ADGRB3: variants seen among roughly 807,000 people sequenced by gnomAD.
The protein encoded by ADGRB3 is brain-specific angiogenesis inhibitor 3.
Under a neutral mutation model 193.4 loss-of-function variants are expected in ADGRB3, and 37 were observed. The ratio of observed to expected loss-of-function variants is 0.19; its 90% CI spans 0.15 to 0.25. ADGRB3 has a LOEUF of 0.25. Ranked by LOEUF, ADGRB3 falls within the 10% of genes least tolerant of loss-of-function variation. ADGRB3 has a pLI of 1.00. For synonymous variants in ADGRB3, 690 were observed against 644.2 expected (o/e 1.07, Z -1.08); for missense variants, 1,637 against 1,852.9 (o/e 0.88, Z 2.14).
At chr6:68,969,642 C>T (rs1768499518) in intron 8 of ADGRB3, among the ~76,000 whole-genome samples, 1 of 152,186 alleles carries the variant, frequency 6.6e-6, no homozygotes, top group African/African-American at 2.4e-5. Context: ...AACAGTACCA[C>T]TTACTACCCA....
chr6:69,087,567 C>T lies in ADGRB3; in HGVS notation c.2480+11529C>T, dbSNP rs114916940. Among the ~76,000 whole-genome samples, 964 of 152,276 alleles carry T rather than the reference C, an allele frequency of 6.3e-3. 10 individuals carry two copies. The highest frequency in any genetic ancestry group is 0.021 in the African/African-American group (892 of 41,570). ...ACTATCTATGAGGAATAAGCACTCA[C>T]CAAACACTGAATCTGCTAGTCCCTT... On this transcript the variant is annotated intron_variant, in intron 17 of 31. Transcript: ENST00000370598.
At chr6:68,728,751 A>G (rs1562007807) in intron 3 of ADGRB3, among the ~76,000 whole-genome samples, 1 of 151,636 alleles carries the variant, frequency 6.6e-6, no homozygotes, top group Admixed American at 6.6e-5. Context: ...AATTGCCTAA[A>G]GTCAAACAAT....
At chr6:68,942,470 G>A (rs144111928) in intron 5 of ADGRB3, among the ~76,000 whole-genome samples, 11 of 152,186 alleles carry the variant, frequency 7.2e-5, no homozygotes, top group Admixed American at 2.0e-4. Context: ...ATCAAGACAG[G>A]AGCTTTTGAA....
chr6:68,906,030 A>T (rs1447315474), intron 3 of ADGRB3, among the ~76,000 whole-genome samples: 1 of 152,140 alleles, frequency 6.6e-6, no homozygotes, highest in Non-Finnish European at 1.5e-5. Flanking sequence ...AATGAATTAT[A>T]AAGATAACAT....
intron 3 of ADGRB3, among the ~76,000 whole-genome samples, chr6:68,710,019 A>G (rs183833642): frequency 1.3e-5 from 2 of 152,152 alleles, no homozygotes; most frequent in Admixed American, 6.6e-5. Flanking sequence ...GTTAACACAT[A>G]TTGAGCACTT....
chr6:69,368,460 G>A (rs1354087324), intron 29 of ADGRB3, among the ~76,000 whole-genome samples: 1 of 151,952 alleles, frequency 6.6e-6, no homozygotes, highest in African/African-American at 2.4e-5. Context: ...AGGAAGGAAG[G>A]GTGACTCCTG....
At chr6:69,306,548 C>T (rs1456941668) in intron 20 of ADGRB3, among the ~76,000 whole-genome samples, 1 of 151,452 alleles carries the variant, frequency 6.6e-6, no homozygotes, top group African/African-American at 2.4e-5. Flanking sequence ...CCAGGTACAT[C>T]AATAACTATA....
intron 11 of ADGRB3, among the ~76,000 whole-genome samples, chr6:69,000,905 A>G (rs903797169): frequency 6.6e-6 from 1 of 152,238 alleles, no homozygotes; most frequent in African/African-American, 2.4e-5. Flanking sequence ...TCAGAAATAT[A>G]TAACAGTCCA....
intron 11 of ADGRB3, among the ~76,000 whole-genome samples, chr6:69,002,477 A>C (rs149878633): frequency 0.01 from 1,570 of 152,256 alleles, 30 homozygotes; most frequent in African/African-American, 0.035. Context: ...TTGGCCTCCC[A>C]AAGTGCTGGG....
intron 20 of ADGRB3, among the ~76,000 whole-genome samples, chr6:69,270,006 G>A (rs1036753478): frequency 3.3e-5 from 5 of 152,114 alleles, no homozygotes; most frequent in Non-Finnish European, 7.4e-5. Context: ...AGTGTATAAA[G>A]TACAATGTTT....
intron 26 of ADGRB3, among the ~76,000 whole-genome samples, chr6:69,348,099 G>A (rs1168422242): frequency 2.0e-5 from 3 of 152,050 alleles, no homozygotes; most frequent in Admixed American, 2.0e-4. Context: ...CATCAGTCTT[G>A]ATTTTCACAC....
intron 8 of ADGRB3, among the ~76,000 whole-genome samples, chr6:68,964,835 G>T (rs1018110936): frequency 6.6e-6 from 1 of 152,130 alleles, no homozygotes; most frequent in Non-Finnish European, 1.5e-5. Context: ...TTCATGGTTT[G>T]CTAACTTCCA....
chr6:69,269,102 T>C (rs2127277983), intron 20 of ADGRB3, among the ~76,000 whole-genome samples: 1 of 152,302 alleles, frequency 6.6e-6, no homozygotes, highest in East Asian at 1.9e-4. Context: ...GTAATACAGT[T>C]GGTTCTTTCA....
Position 68,782,816 on chromosome 6 carries a change from G to T in ADGRB3, c.757+143384G>T, listed in dbSNP as rs551393359. Among the ~76,000 whole-genome samples, 18 of 150,902 alleles carry T rather than the reference G, an allele frequency of 1.2e-4. No individual in the cohort carries two copies. In the East Asian group the frequency reaches 2.7e-3, roughly 23 times the overall value. ...ATATCCTTCGCCCACTTTTTGATGG[G>T]GTTGTTTGTTTTTTTTCTTGTAAAT... On this transcript the variant is annotated intron_variant, in intron 3 of 31. Coordinates refer to ENST00000370598, the MANE Select transcript of ADGRB3 (RefSeq NM_001704.3).
intron 3 of ADGRB3, among the ~76,000 whole-genome samples, chr6:68,654,544 GAA>G (rs1453786453): frequency 6.6e-6 from 1 of 151,724 alleles, no homozygotes; most frequent in Non-Finnish European, 1.5e-5. Flanking sequence ...GGGATGGAGT[GAA>G]TTATCAGTTT....
At chr6:68,650,528 T>G (rs541794119) in intron 3 of ADGRB3, among the ~76,000 whole-genome samples, 1 of 152,200 alleles carries the variant, frequency 6.6e-6, no homozygotes, top group Non-Finnish European at 1.5e-5. Context: ...ACATAAAAAT[T>G]CCTGACAGAT....
At chr6:68,819,545 A>G (rs890963247) in intron 3 of ADGRB3, among the ~76,000 whole-genome samples, 2 of 151,936 alleles carry the variant, frequency 1.3e-5, no homozygotes, top group African/African-American at 4.8e-5. Flanking sequence ...TGAATCTCAA[A>G]TCTCTATATG....
chr6:69,216,287 A>C (rs2127244651), intron 17 of ADGRB3, among the ~76,000 whole-genome samples: 1 of 152,184 alleles, frequency 6.6e-6, no homozygotes, highest in Admixed American at 6.5e-5. Context: ...GCTTGGGGCC[A>C]CTTGCATTTG....
At chr6:68,816,183 A>T (rs1767628038) in intron 3 of ADGRB3, among the ~76,000 whole-genome samples, 1 of 152,088 alleles carries the variant, frequency 6.6e-6, no homozygotes, top group Admixed American at 6.6e-5. Context: ...ACTTTGAATA[A>T]TTAATATAAG....
Sources: allele counts gnomAD v4.1 joint callset (sites outside exome capture counted in the v4.1 genomes callset), GRCh38; gene constraint gnomAD v4.1.1; transcripts MANE v1.5; gene names NCBI Gene and HGNC (gene_info 2026-07-23, HGNC 2026-07-21).